Variants in ASRGL1 observed in about 807,000 individuals in gnomAD.
ASRGL1 encodes asparaginase and isoaspartyl peptidase 1.
Under a neutral mutation model 22.4 loss-of-function variants are expected in ASRGL1, and 16 were observed. The observed-to-expected ratio is 0.71, with a 90% CI of 0.48 to 1.08. ASRGL1 has a LOEUF of 1.08. Among genes scored for constraint, ASRGL1 ranks in the 50% least tolerant of loss-of-function variants. The pLI, the probability that ASRGL1 is intolerant of heterozygous loss-of-function variation, is 0.00. For missense variants in ASRGL1, 412 were observed against 410.1 expected, an observed-to-expected ratio of 1.00 and a Z score of -0.04; for synonymous variants, 165 against 159.3, an observed-to-expected ratio of 1.04 and a Z score of -0.27.
intron 4 of ASRGL1, among the ~76,000 whole-genome samples, chr11:62,376,659 G>A (rs1244971448): frequency 2.0e-5 from 3 of 152,058 alleles, no homozygotes; most frequent in Non-Finnish European, 2.9e-5. Flanking sequence ...CTCCCCCTTC[G>A]TTTTGTTTAA....
At chr11:62,346,756 G>T (rs1248343352) in intron 2 of ASRGL1, among the ~76,000 whole-genome samples, 1 of 152,102 alleles carries the variant, frequency 6.6e-6, no homozygotes, top group Non-Finnish European at 1.5e-5. Context: ...GATCACCTGA[G>T]GTCAGGAGTT....
Position 62,383,625 on chromosome 11 carries a change from A to T in ASRGL1, c.492-5508A>T, listed in dbSNP as rs1227884444. Among the ~76,000 whole-genome samples the T allele has an allele frequency of 5.3e-4, 77 of 145,234 alleles. 1 individual carries two copies. Among genetic ancestry groups the T allele is most frequent in the African/African-American group, 1.9e-3 (73 of 39,368 alleles). ...CTCAAAAAAAAAAAAAAAAAAAAAA[A>T]AAAGAACATCATCAGGCCAGGCTTG... On this transcript the variant is annotated intron_variant, in intron 4 of 6. Transcript: ENST00000415229.
At chr11:62,357,377 G>A (rs1176586921) in intron 4 of ASRGL1, among the ~76,000 whole-genome samples, 1 of 150,640 alleles carries the variant, frequency 6.6e-6, no homozygotes, top group Admixed American at 6.6e-5. Context: ...AGCCTCCTGA[G>A]TAGCTGGGAC....
rs1289065333 is a variant in ASRGL1, at chr11:62,338,023, T to C, written c.46T>C (p.Ser16Pro). The C allele has an allele frequency of 6.2e-7, 1 of 1,607,878 alleles. No homozygotes were observed. The highest frequency in any genetic ancestry group is 1.7e-5 in the Admixed American group (1 of 59,056). The change falls in exon 2 of 7, where the codon TCC becomes CCC. Residue 16 changes from serine to proline, a missense_variant. Transcript: ENST00000415229. ...CCACGGCGGCGGAGCCGGTCCCATC[T>C]CCAAGGATCGGAAGGAGCGAGTGCA... is the stretch of plus-strand genomic sequence containing the variant. ...VVHGGGAGPISKDRKERVHQG... is the reference protein window; with the variant it reads ...VVHGGGAGPIPKDRKERVHQG...
intron 2 of ASRGL1, among the ~76,000 whole-genome samples, chr11:62,348,368 C>T (rs535476813): frequency 2.6e-5 from 4 of 152,066 alleles, no homozygotes; most frequent in East Asian, 1.9e-4. Flanking sequence ...GAAAGGGGTG[C>T]GACTGGCAAG....
At chr11:62,387,643 CTG>C (rs1947246653) in intron 4 of ASRGL1, among the ~76,000 whole-genome samples, 1 of 152,246 alleles carries the variant, frequency 6.6e-6, no homozygotes. Context: ...CAGAGACACT[CTG>C]TGTAAAACAG....
At chr11:62,351,321 CCTTT>C (rs1419082083) in intron 2 of ASRGL1, among the ~76,000 whole-genome samples, 4 of 152,124 alleles carry the variant, frequency 2.6e-5, no homozygotes, top group African/African-American at 4.8e-5. Flanking sequence ...AATTTTTTCT[CCTTT>C]CTTTATTCTT....
At chr11:62,386,469 C>CATAGATATGTACATATATATGTACATAT (rs1947210481) in intron 4 of ASRGL1, among the ~76,000 whole-genome samples, 2 of 148,876 alleles carry the variant, frequency 1.3e-5, no homozygotes, top group Admixed American at 6.6e-5. Context: ...TCATACATAT[C>CATAGATATGTACATATATATGTACATAT]ATAGATATGT....
At position 62,365,624 on chromosome 11, in the gene ASRGL1, C is replaced by T. The variant is rs886802214; in HGVS notation, c.491+8480C>T. Among the ~76,000 whole-genome samples the T allele has an allele frequency of 2.6e-5, 4 of 151,882 alleles. No homozygotes were observed. In the East Asian group the frequency reaches 5.8e-4, roughly 22 times the overall value. On this transcript the variant is annotated intron_variant, in intron 4 of 6. Coordinates refer to ENST00000415229, the MANE Select transcript of ASRGL1 (RefSeq NM_001083926.2). ...CAGCACTTTGGGAGGCCAAGACAGG[C>T]GGATCACGAGGTCAGGAGTTCAAGA...
chr11:62,359,927 A>G (rs961767069), intron 4 of ASRGL1, among the ~76,000 whole-genome samples: 2 of 151,866 alleles, frequency 1.3e-5, no homozygotes, highest in Non-Finnish European at 2.9e-5. Context: ...TAACTTTAAC[A>G]TTAATAAAAA....
chr11:62,353,265 C>G (rs1194949079), intron 2 of ASRGL1, among the ~76,000 whole-genome samples: 1 of 149,272 alleles, frequency 6.7e-6, no homozygotes, highest in Non-Finnish European at 1.5e-5. Flanking sequence ...TTTGGTTTTT[C>G]TTTACATCTT....
At position 62,362,813 on chromosome 11, in the gene ASRGL1, T is replaced by TAC. The variant is rs57501048; in HGVS notation, c.491+5699_491+5700dup. On this transcript the variant is annotated intron_variant, in intron 4 of 6. Coordinates refer to ENST00000415229, the MANE Select transcript of ASRGL1 (RefSeq NM_001083926.2). Reference sequence around the variant, plus strand: ...GGAGTATCTACTTGCTTATCTGACATACACACACACACACACACACACACA... The same window carrying TAC: ...GGAGTATCTACTTGCTTATCTGACATACACACACACACACACACACACACACA... Among the ~76,000 whole-genome samples the TAC allele has an allele frequency of 9.4e-3, 784 of 83,846 alleles. 11 individuals carry two copies. The highest frequency in any genetic ancestry group is 0.025 in the African/African-American group (552 of 22,316). The allele number at this position is 83,846 out of a possible 152,430, so 55.0% of individuals were successfully genotyped here.
At chr11:62,388,186 A>T (rs929131899) in intron 4 of ASRGL1, among the ~76,000 whole-genome samples, 4 of 152,216 alleles carry the variant, frequency 2.6e-5, no homozygotes, top group Non-Finnish European at 1.5e-5. Context: ...AAAATAGAGG[A>T]TTATAATCTC....
At chr11:62,372,958 T>C in intron 4 of ASRGL1, 1 of 1,489,180 alleles carries the variant, frequency 6.7e-7, no homozygotes, top group Non-Finnish European at 9.4e-7. Flanking sequence ...GAGAGCACCA[T>C]CAGCTGGGGC....
At chr11:62,341,441 C>T (rs888130068) in intron 2 of ASRGL1, among the ~76,000 whole-genome samples, 2 of 152,028 alleles carry the variant, frequency 1.3e-5, no homozygotes, top group African/African-American at 4.8e-5. Context: ...CTTCATGATC[C>T]GCCCACCTCA....
chr11:62,376,953 T>A (rs561256560), intron 4 of ASRGL1, among the ~76,000 whole-genome samples: 1 of 152,380 alleles, frequency 6.6e-6, no homozygotes, highest in Admixed American at 6.5e-5. Flanking sequence ...CATATGATAA[T>A]CTTCCAAATG....
chr11:62,385,023 A>T (rs556960352), intron 4 of ASRGL1, among the ~76,000 whole-genome samples: 538 of 146,928 alleles, frequency 3.7e-3, no homozygotes, highest in African/African-American at 0.012. Flanking sequence ...CATACTTATA[A>T]CTTCCCAATA....
downstream of ASRGL1, among the ~76,000 whole-genome samples, chr11:62,396,053 A>G (rs1947429966): frequency 6.6e-6 from 1 of 151,848 alleles, no homozygotes; most frequent in Non-Finnish European, 1.5e-5. Context: ...GGATTACAGC[A>G]CCACCGCACC....
rs978698494 is a variant in ASRGL1, at chr11:62,372,781, G to A, written c.491+15637G>A. ...CATGGGGCTTCCCAGATCTATGCTG[G>A]TTACACCTGCTCCTTTGCCGTCAGT... On this transcript the variant is annotated intron_variant, in intron 4 of 6. Transcript: ENST00000415229. The A allele has an allele frequency of 8.0e-5, 126 of 1,571,674 alleles. No homozygotes were observed. In the African/African-American group the frequency reaches 1.4e-3, roughly 17 times the overall value.
Sources: gnomAD v4.1 joint callset for allele counts (sites outside exome capture counted in the v4.1 genomes callset) on GRCh38, gnomAD v4.1.1 for gene constraint, MANE v1.5 for transcripts, NCBI Gene and HGNC (gene_info 2026-07-23, HGNC 2026-07-21) for gene names.